Variants in NUDCD2 observed in about 807,000 individuals in gnomAD.
NUDCD2 encodes the protein nudC domain-containing protein 2.
NUDCD2 carries 16 observed loss-of-function variants against 20.8 expected under a neutral mutation model. The observed-to-expected ratio is 0.77, with a 90% CI of 0.52 to 1.17. The LOEUF is 1.17. Among genes scored for constraint, NUDCD2 ranks in the 50% most tolerant of loss-of-function variants. The pLI is 0.00. For missense variants in NUDCD2, 199 were observed against 193.9 expected, an observed-to-expected ratio of 1.03 and a Z score of -0.16; for synonymous variants, 87 against 72.8, an observed-to-expected ratio of 1.20 and a Z score of -1.00.
Position 163,460,056 on chromosome 5 carries a change from A to G in NUDCD2, c.-6T>C. 1 of 1,553,960 alleles carries G rather than the reference A, an allele frequency of 6.4e-7. No homozygotes were observed. Among genetic ancestry groups the G allele is most frequent in the Non-Finnish European group, 8.7e-7 (1 of 1,151,650 alleles). On this transcript the variant is annotated 5_prime_UTR_variant, in exon 1 of 4. Coordinates refer to ENST00000302764, the MANE Select transcript of NUDCD2 (RefSeq NM_145266.6). ...TCCTCAAACGGGGCCGACATAATCC[A>G]GTCCCTCCCGGCCGCGGCCGCACCA...
At position 163,457,092 on chromosome 5, in the gene NUDCD2, ACAC is replaced by A; in HGVS notation, c.239-15_239-13del. The A allele has an allele frequency of 2.9e-6, 4 of 1,359,856 alleles. No homozygotes were observed. The highest frequency in any genetic ancestry group is 4.0e-6 in the Non-Finnish European group (4 of 1,010,396). 84.2% of individuals were successfully genotyped at this position (1,359,856 alleles called of 1,614,324 possible). A position where few individuals can be genotyped will look rare whatever the true frequency, so the allele number is the denominator to read the frequency against. On this transcript the variant is annotated splice_polypyrimidine_tract_variant and intron_variant, in intron 2 of 3. Coordinates refer to ENST00000302764, the MANE Select transcript of NUDCD2 (RefSeq NM_145266.6). ...CATTTTTCTGTCCTCTAAAAAAAAA[ACAC>A]ACACACACACACGCACAAATAAATT...
rs894495084 is a variant in NUDCD2 at position 163,452,254 on chromosome 5, T to C, written c.*1713A>G. 2.0e-5 allele frequency: 3 copies of C among 152,130 alleles called. No homozygotes were observed. The highest frequency in any genetic ancestry group is 4.4e-5 in the Non-Finnish European group (3 of 68,028). 9.4% of individuals were successfully genotyped at this position (152,130 alleles called of 1,614,324 possible). A position where few individuals can be genotyped will look rare whatever the true frequency, so the allele number is the denominator to read the frequency against. ...CATTATATATACACACCAACGGCAATTGCACACTAGCACAGATCTTGGCTT... is the reference window on the plus strand; with the variant it reads ...CATTATATATACACACCAACGGCAACTGCACACTAGCACAGATCTTGGCTT... On this transcript the variant is annotated 3_prime_UTR_variant, in exon 4 of 4. Transcript: ENST00000302764.
rs967301209 is a variant in NUDCD2, at chr5:163,450,432, T to C, written c.*3535A>G. 1 of 152,142 alleles carries C rather than the reference T, an allele frequency of 6.6e-6. No individual in the cohort carries two copies. Among genetic ancestry groups the C allele is most frequent in the African/African-American group, 2.4e-5 (1 of 41,426 alleles). 9.4% of individuals were successfully genotyped at this position (152,142 alleles called of 1,614,324 possible). ...AGAGAATAGGAGAAATTACAAATCATATACCTGGTAAGAGACTTGTACCCA... is the reference window on the plus strand; with the variant it reads ...AGAGAATAGGAGAAATTACAAATCACATACCTGGTAAGAGACTTGTACCCA... On this transcript the variant is annotated 3_prime_UTR_variant, in exon 4 of 4. Transcript: ENST00000302764.
intron 1 of NUDCD2, chr5:163,458,974 T>C (rs1281166693): frequency 6.6e-6 from 1 of 152,226 alleles, no homozygotes; most frequent in African/African-American, 2.4e-5. Context: ...AGCTAACATA[T>C]AGTATGAACT....
At chr5:163,455,719 G>A (rs913439441) in intron 3 of NUDCD2, among the ~76,000 whole-genome samples, 11 of 143,452 alleles carry the variant, frequency 7.7e-5, no homozygotes, top group African/African-American at 5.2e-5. Flanking sequence ...AGCAGAGATC[G>A]CACCACTCCA....
Position 163,453,692 on chromosome 5 carries a change from T to C in NUDCD2, c.*275A>G, listed in dbSNP as rs1047390104. 3.1e-5 allele frequency: 7 copies of C among 228,896 alleles called. No homozygotes were observed. Among genetic ancestry groups the C allele is most frequent in the African/African-American group, 1.4e-4 (6 of 44,250 alleles). 14.2% of individuals were successfully genotyped at this position (228,896 alleles called of 1,614,324 possible). On this transcript the variant is annotated 3_prime_UTR_variant, in exon 4 of 4. Transcript: ENST00000302764. ...CTCTAATGTTCTTTTGTATTAAAAA[T>C]ATGGTTAAATATGGAATTAGTAAAA...
Position 163,460,013 on chromosome 5 carries a change from G to A in NUDCD2, c.38C>T (p.Pro13Leu), listed in dbSNP as rs1758446429. 1 of 1,610,690 alleles carries A rather than the reference G, an allele frequency of 6.2e-7. No homozygotes were observed. Among genetic ancestry groups the A allele is most frequent in the Non-Finnish European group, 8.5e-7 (1 of 1,178,596 alleles). ...APFEERSGVV[P>L]CGTPWGQWYQ... ...CCACTGGCCCCACGGGGTCCCGCAC[G>A]GTACCACCCCACTCCGCTCCTCAAA... The change falls in exon 1 of 4, where the codon CCG becomes CTG. Residue 13 changes from proline (P) to leucine (L), a missense_variant. Transcript: ENST00000302764.
Position 163,457,022 on chromosome 5 carries a change from A to G in NUDCD2, c.297T>C (p.Cys99=), listed in dbSNP as rs1292960930. The G allele has an allele frequency of 6.2e-7, 1 of 1,613,530 alleles. No individual in the cohort carries two copies. Among genetic ancestry groups the G allele is most frequent in the Admixed American group, 1.7e-5 (1 of 59,980 alleles). ...LTKTKRDAAN[C]WTSLLESEYA... ...ATTCAGATTCTAGTAGAGAAGTCCA[A>G]CAATTTGCTGCATCTCTCTTTGTCT... Residue 99 remains cysteine, a synonymous_variant, in exon 3 of 4, where the codon TGT becomes TGC. Transcript: ENST00000302764.
At chr5:163,457,148 T>C in intron 2 of NUDCD2, 68 bp from the exon 3 acceptor site, 2 of 1,493,356 alleles carry the variant, frequency 1.3e-6, no homozygotes, top group Non-Finnish European at 1.8e-6. Flanking sequence ...TGTTTTTTTT[T>C]TTTTTGAGAC....
At chr5:163,458,730 A>G (rs998488501) in intron 1 of NUDCD2, among the ~76,000 whole-genome samples, 3 of 152,234 alleles carry the variant, frequency 2.0e-5, no homozygotes, top group Non-Finnish European at 4.4e-5. Flanking sequence ...TAGTGAGAAA[A>G]AAATCCCACT....
Position 163,447,750 on chromosome 5 carries a change from AAT to A in NUDCD2, c.*6215_*6216del, listed in dbSNP as rs1758075485. The A allele has an allele frequency of 6.6e-6, 1 of 152,212 alleles. No homozygotes were observed. The allele number at this position is 152,212 out of a possible 1,614,324, so 9.4% of individuals were successfully genotyped here. A position where few individuals can be genotyped will look rare whatever the true frequency, so the allele number is the denominator to read the frequency against. On this transcript the variant is annotated 3_prime_UTR_variant, in exon 4 of 4. Transcript: ENST00000302764. ...ATTTAAAAGAGATGAAATCATATAA[AAT>A]ATGTTTTTTGACCATAATCTAGAAA... is the stretch of plus-strand genomic sequence containing the variant.
Position 163,459,743 on chromosome 5 carries a change from T to C in NUDCD2, c.189+119A>G, listed in dbSNP as rs79566032. On this transcript the variant is annotated intron_variant, in intron 1 of 3. Coordinates refer to ENST00000302764, the MANE Select transcript of NUDCD2 (RefSeq NM_145266.6). ...CCAGACCCAAACCTGGTCAGTGTTATCCTCTTTCTCTTTCTGCCAGCCACA... is the reference window on the plus strand; with the variant it reads ...CCAGACCCAAACCTGGTCAGTGTTACCCTCTTTCTCTTTCTGCCAGCCACA... The C allele has an allele frequency of 1.6e-3, 1,394 of 854,522 alleles. 16 individuals carry two copies. In the East Asian group the frequency reaches 0.018, roughly 11 times the overall value. 52.9% of individuals were successfully genotyped at this position (854,522 alleles called of 1,614,324 possible).
chr5:163,459,281 T>C lies in NUDCD2; in HGVS notation c.189+581A>G, dbSNP rs533442606. 6 of 152,342 alleles carry C rather than the reference T, an allele frequency of 3.9e-5. No individual in the cohort carries two copies. The East Asian group carries it at 9.6e-4, about 24-fold the overall frequency. The allele number at this position is 152,342 out of a possible 1,614,324, so 9.4% of individuals were successfully genotyped here. A position where few individuals can be genotyped will look rare whatever the true frequency, so the allele number is the denominator to read the frequency against. On this transcript the variant is annotated intron_variant, in intron 1 of 3. Transcript: ENST00000302764. ...AAAGCGGGTCCAGATCCAAAGAGCA[T>C]TGGTGAAAAGAAATAAAAGGAGTAC...
Position 163,453,698 on chromosome 5 carries a change from T to A in NUDCD2, c.*269A>T. The A allele has an allele frequency of 4.1e-6, 1 of 240,970 alleles. No homozygotes were observed. Among genetic ancestry groups the A allele is most frequent in the East Asian group, 7.9e-5 (1 of 12,630 alleles). 14.9% of individuals were successfully genotyped at this position (240,970 alleles called of 1,614,324 possible). A position where few individuals can be genotyped will look rare whatever the true frequency, so the allele number is the denominator to read the frequency against. On this transcript the variant is annotated 3_prime_UTR_variant, in exon 4 of 4. Coordinates refer to ENST00000302764, the MANE Select transcript of NUDCD2 (RefSeq NM_145266.6). The stretch of plus-strand genomic sequence containing the variant: ...TGTTCTTTTGTATTAAAAATATGGT[T>A]AAATATGGAATTAGTAAAATGCAGC...
At chr5:163,458,412 T>TA (rs932234823) in intron 1 of NUDCD2, among the ~76,000 whole-genome samples, 19 of 152,152 alleles carry the variant, frequency 1.2e-4, no homozygotes, top group Admixed American at 9.2e-4. Flanking sequence ...TCATGTTTTT[T>TA]AAAAAAATAA....
In NUDCD2 at chr5:163,449,971, T is replaced by C. The variant is rs945609294; in HGVS notation, c.*3996A>G. ...AAAATTTTTAGAAGAAAAAAATCCA[T>C]AGGCCGGGCACGGTGGCTCATGCCT... On this transcript the variant is annotated 3_prime_UTR_variant, in exon 4 of 4. Transcript: ENST00000302764. 3.3e-5 allele frequency: 5 copies of C among 152,218 alleles called. No individual in the cohort carries two copies. In the East Asian group the frequency reaches 5.8e-4, roughly 18 times the overall value. The allele number at this position is 152,218 out of a possible 1,614,324, so 9.4% of individuals were successfully genotyped here.
At chr5:163,457,479 G>T in intron 2 of NUDCD2, 83 bp downstream of exon 2, 1 of 843,828 alleles carries the variant, frequency 1.2e-6, no homozygotes. Flanking sequence ...AAGCTGCAAA[G>T]ACAAAAAAGA....
chr5:163,452,488 GTAA>G lies in NUDCD2; in HGVS notation c.*1476_*1478del, dbSNP rs1234036495. The G allele has an allele frequency of 6.6e-6, 1 of 152,156 alleles. No homozygotes were observed. The highest frequency in any genetic ancestry group is 1.5e-5 in the Non-Finnish European group (1 of 68,028). The allele number at this position is 152,156 out of a possible 1,614,324, so 9.4% of individuals were successfully genotyped here. ...ATGTACAATAATTTTGAGCACCAAT[GTAA>G]TGATAATAGGTTTTTTAACCTGCTG... On this transcript the variant is annotated 3_prime_UTR_variant, in exon 4 of 4. Transcript: ENST00000302764.
In NUDCD2 at chr5:163,460,001, G is replaced by A. The variant is rs758238055; in HGVS notation, c.50C>T (p.Pro17Leu). Reference protein sequence around the residue: ...ERSGVVPCGTPWGQWYQTLEE... With the variant: ...ERSGVVPCGTLWGQWYQTLEE... ...CAAGGTCTGGTACCACTGGCCCCAC[G>A]GGGTCCCGCACGGTACCACCCCACT... is the stretch of plus-strand genomic sequence containing the variant. The change falls in exon 1 of 4, where the codon CCG becomes CTG. Residue 17 changes from proline (P) to leucine (L), a missense_variant. By Grantham distance (98) the Pro-to-Leu change is moderately conservative (BLOSUM62 -3). Coordinates refer to ENST00000302764, the MANE Select transcript of NUDCD2 (RefSeq NM_145266.6). 4 of 1,612,956 alleles carry A rather than the reference G, an allele frequency of 2.5e-6. No individual in the cohort carries two copies. Among genetic ancestry groups the A allele is most frequent in the South Asian group, 1.1e-5 (1 of 91,040 alleles).
Sources: allele counts gnomAD v4.1 joint callset (sites outside exome capture counted in the v4.1 genomes callset), GRCh38; gene constraint gnomAD v4.1.1; transcripts MANE v1.5; gene names NCBI Gene and HGNC (gene_info 2026-07-23, HGNC 2026-07-21).